RHOA: variants seen among roughly 807,000 people sequenced by gnomAD.
The protein encoded by RHOA is transforming protein RhoA.
A neutral mutation model predicts 17.5 loss-of-function variants in RHOA; 3 were observed. The observed-to-expected ratio is 0.17, with a 90% CI of 0.08 to 0.44. RHOA has a LOEUF of 0.44. Among genes scored for constraint, RHOA ranks in the 20% least tolerant of loss-of-function variants. The pLI is 0.99. For synonymous variants in RHOA, 98 were observed against 88.4 expected (o/e 1.11, Z -0.61); for missense variants, 56 against 242.3 (o/e 0.23, Z 5.10).
chr3:49,411,001 T>C (rs1035316412), intron 1 of RHOA, among the ~76,000 whole-genome samples: 1 of 152,254 alleles, frequency 6.6e-6, no homozygotes, highest in Non-Finnish European at 1.5e-5. Flanking sequence ...CGCTATTCAA[T>C]GAAGACGACC....
At chr3:49,366,233 TTC>T (rs2048054439) in intron 3 of RHOA, among the ~76,000 whole-genome samples, 1 of 152,156 alleles carries the variant, frequency 6.6e-6, no homozygotes, top group African/African-American at 2.4e-5. Flanking sequence ...AGCTCAAATT[TTC>T]TCTGTGGCCT....
At chr3:49,393,672 CTCTCTGTGTGTGTG>C (rs1559512163) in intron 1 of RHOA, among the ~76,000 whole-genome samples, 14,138 of 54,184 alleles carry the variant, frequency 0.26, 1,341 homozygotes, top group Non-Finnish European at 0.33. Flanking sequence ...CTCAAATTCT[CTCTCTGTGTGTGTG>C]TGTGTGTGTG....
chr3:49,366,174 G>A (rs1259787173), intron 3 of RHOA, among the ~76,000 whole-genome samples: 1 of 152,120 alleles, frequency 6.6e-6, no homozygotes, highest in African/African-American at 2.4e-5. Flanking sequence ...ATTCCAATAG[G>A]ATCTAGGTGA....
At chr3:49,388,325 G>A (rs755613186) in intron 1 of RHOA, among the ~76,000 whole-genome samples, 1 of 152,154 alleles carries the variant, frequency 6.6e-6, no homozygotes, top group Non-Finnish European at 1.5e-5. Flanking sequence ...ATAATAGGTG[G>A]AGCCATGACA....
At chr3:49,407,236 T>TG (rs1474788822) in intron 1 of RHOA, among the ~76,000 whole-genome samples, 1 of 129,808 alleles carries the variant, frequency 7.7e-6, no homozygotes, top group Non-Finnish European at 1.7e-5. Flanking sequence ...CTTTCCGTTT[T>TG]TTTTTTTTTT....
chr3:49,388,205 G>C (rs185804992), intron 1 of RHOA, among the ~76,000 whole-genome samples: 1 of 151,860 alleles, frequency 6.6e-6, no homozygotes. Context: ...TGTGTGTGTG[G>C]AGACGGGGTT....
intron 4 of RHOA, among the ~76,000 whole-genome samples, chr3:49,361,944 T>A (rs1489349166): frequency 6.6e-6 from 1 of 151,516 alleles, no homozygotes; most frequent in Non-Finnish European, 1.5e-5. Context: ...TCCCTGCACT[T>A]TGGGAGGCAA....
intron 4 of RHOA, 35 bp from the exon 5 acceptor site, chr3:49,360,417 T>TA: frequency 6.4e-7 from 1 of 1,570,250 alleles, no homozygotes; most frequent in Non-Finnish European, 8.7e-7. Flanking sequence ...TTTTAGCTAA[T>TA]AGTGTGGCAT....
At chr3:49,364,271 G>C (rs942615294) in intron 3 of RHOA, among the ~76,000 whole-genome samples, 1 of 152,072 alleles carries the variant, frequency 6.6e-6, no homozygotes, top group African/African-American at 2.4e-5. Context: ...GATCACCTCA[G>C]GTCGGGAGTT....
intron 2 of RHOA, among the ~76,000 whole-genome samples, chr3:49,373,552 T>G (rs1245606103): frequency 6.6e-6 from 1 of 152,192 alleles, no homozygotes; most frequent in Non-Finnish European, 1.5e-5. Flanking sequence ...CACGCTGGCT[T>G]GCGCCTGTAA....
At chr3:49,392,160 C>G (rs1355926475) in intron 1 of RHOA, among the ~76,000 whole-genome samples, 6 of 151,928 alleles carry the variant, frequency 3.9e-5, no homozygotes. Flanking sequence ...CAAACAAAAA[C>G]AAAAAAACAA....
intron 2 of RHOA, among the ~76,000 whole-genome samples, chr3:49,371,281 GT>G (rs34744152): frequency 1.9e-3 from 259 of 138,622 alleles, no homozygotes; most frequent in East Asian, 6.0e-3. Context: ...ATTGCCTACT[GT>G]TTTTTTTTTT....
At chr3:49,403,209 G>A (rs2107904206) in intron 1 of RHOA, among the ~76,000 whole-genome samples, 1 of 152,026 alleles carries the variant, frequency 6.6e-6, no homozygotes, top group East Asian at 1.9e-4. Flanking sequence ...GTGGTGGCAC[G>A]CACCTGTAGT....
chr3:49,374,699 G>A (rs2048198248), intron 2 of RHOA, among the ~76,000 whole-genome samples: 1 of 151,894 alleles, frequency 6.6e-6, no homozygotes, highest in African/African-American at 2.4e-5. Context: ...TCCAGCCTGG[G>A]CGACAGAGCG....
chr3:49,401,668 C>T (rs2048726971), intron 1 of RHOA, among the ~76,000 whole-genome samples: 1 of 152,110 alleles, frequency 6.6e-6, no homozygotes, highest in Non-Finnish European at 1.5e-5. Context: ...TACCATCCAT[C>T]CATCTGTCCA....
intron 1 of RHOA, among the ~76,000 whole-genome samples, chr3:49,394,509 C>A (rs2048579195): frequency 6.6e-6 from 1 of 152,010 alleles, no homozygotes; most frequent in Non-Finnish European, 1.5e-5. Context: ...CACAACCATG[C>A]CCAGCTAATT....
intron 3 of RHOA, among the ~76,000 whole-genome samples, chr3:49,367,378 T>G (rs1559497175): frequency 8.6e-6 from 1 of 116,598 alleles, no homozygotes; most frequent in Non-Finnish European, 1.8e-5. Context: ...AATACTGACT[T>G]ACTGACTTCT....
chr3:49,404,457 C>CACACACACACACACACACACACAA (rs1447646944), intron 1 of RHOA, among the ~76,000 whole-genome samples: 27 of 146,982 alleles, frequency 1.8e-4, no homozygotes, highest in African/African-American at 5.8e-4. Flanking sequence ...CACACACACA[C>CACACACACACACACACACACACAA]AAAATTAGCC....
chr3:49,393,700 G>T (rs1240688771), intron 1 of RHOA, among the ~76,000 whole-genome samples: 1 of 139,996 alleles, frequency 7.1e-6, no homozygotes, highest in Non-Finnish European at 1.5e-5. Flanking sequence ...GTGTGTGTGT[G>T]TGTGTGTGTG....
Sources: allele counts gnomAD v4.1 joint callset (sites outside exome capture counted in the v4.1 genomes callset), GRCh38; gene constraint gnomAD v4.1.1; transcripts MANE v1.5; gene names NCBI Gene and HGNC (gene_info 2026-07-23, HGNC 2026-07-21).